PCGF6: variants seen among roughly 807,000 people sequenced by gnomAD.
PCGF6 encodes the protein polycomb group ring finger 6, also known as polycomb group RING finger protein 6.
A neutral mutation model predicts 45.5 loss-of-function variants in PCGF6; 24 were observed. That is an observed-to-expected ratio of 0.53 (90% CI 0.38 to 0.74). The LOEUF is 0.74. PCGF6 is among the 30% of genes least tolerant of loss of function. The pLI, the probability that PCGF6 is intolerant of heterozygous loss-of-function variation, is 0.00. For missense variants in PCGF6, 356 were observed against 443.2 expected (o/e 0.80, Z 1.77); for synonymous variants, 152 against 162.1 (o/e 0.94, Z 0.47).
Position 103,347,442 on chromosome 10 carries a change from C to G in PCGF6, c.566G>C (p.Arg189Pro). Residue 189 changes from arginine to proline, a missense_variant, in exon 4 of 10, where the codon CGA becomes CCA. Arg to Pro is a moderately radical substitution (Grantham distance 103). This residue lies in a region of PCGF6 where 307 missense variants were observed against 350.1 expected (regional missense o/e 0.88). Transcript: ENST00000369847. ...TQPLYNIRLDRQLQDIVYKLV... is the reference protein window; with the variant it reads ...TQPLYNIRLDPQLQDIVYKLV... Reference sequence around the variant, plus strand: ...TTTGTACACTATGTCTTGTAACTGTCGGTCCAACCTAATAAAAGGAAAGGA... The same window carrying G: ...TTTGTACACTATGTCTTGTAACTGTGGGTCCAACCTAATAAAAGGAAAGGA... The G allele has an allele frequency of 6.2e-7, 1 of 1,605,480 alleles. No individual in the cohort carries two copies.
At chr10:103,327,159 C>T (rs925214909) in intron 7 of PCGF6, among the ~76,000 whole-genome samples, 9 of 152,218 alleles carry the variant, frequency 5.9e-5, no homozygotes, top group African/African-American at 2.2e-4. Flanking sequence ...GTGGCACATG[C>T]CTATAATCCC....
At chr10:103,317,846 T>C (rs995555873) in intron 8 of PCGF6, among the ~76,000 whole-genome samples, 3 of 151,320 alleles carry the variant, frequency 2.0e-5, no homozygotes, top group Non-Finnish European at 4.4e-5. Context: ...AAACTCTGCC[T>C]CTCCTGGGTT....
rs763061574 is a variant in PCGF6 at position 103,347,482 on chromosome 10, G to A, written c.558-32C>T. 4.2e-5 allele frequency: 65 copies of A among 1,547,896 alleles called. No individual in the cohort carries two copies. The Middle Eastern group carries it at 6.8e-4, about 16-fold the overall frequency. On this transcript the variant is annotated intron_variant, in intron 3 of 9. Transcript: ENST00000369847. The stretch of plus-strand genomic sequence containing the variant: ...AAAGGAAAGGATGGAGAATACCTCA[G>A]AATTCAGAAAAATGCATTTTGGTAC...
chr10:103,324,498 C>A (rs908623683), intron 8 of PCGF6, among the ~76,000 whole-genome samples: 1 of 151,878 alleles, frequency 6.6e-6, no homozygotes, highest in South Asian at 2.1e-4. Flanking sequence ...GTGGCTTATG[C>A]CTGTAATCCC....
At position 103,336,806 on chromosome 10, in the gene PCGF6, C is replaced by T. The variant is rs142438546; in HGVS notation, c.783-2854G>A. Among the ~76,000 whole-genome samples, 409 of 152,204 alleles carry T rather than the reference C, an allele frequency of 2.7e-3. 17 individuals carry two copies. In the East Asian group the frequency reaches 0.064, roughly 24 times the overall value. Reference sequence around the variant, plus strand: ...AGGAGAATCACTTGAACCCGGGAGGCGGAGGTTGCAGTGAGCCGAGGTCGT... The same window carrying T: ...AGGAGAATCACTTGAACCCGGGAGGTGGAGGTTGCAGTGAGCCGAGGTCGT... On this transcript the variant is annotated intron_variant, in intron 6 of 9. Coordinates refer to ENST00000369847, the MANE Select transcript of PCGF6 (RefSeq NM_001011663.2).
chr10:103,314,235 T>C lies in PCGF6; in HGVS notation c.947A>G (p.Tyr316Cys), dbSNP rs766334588. 69 of 1,605,302 alleles carry C rather than the reference T, an allele frequency of 4.3e-5. 1 individual carries two copies. Among genetic ancestry groups the C allele is most frequent in the South Asian group, 3.4e-4 (31 of 90,442 alleles). ...IICGDHLLEQ[Y>C]QTLREIRRAI... ...ACGTCGGATTTCCCTTAGAGTTTGA[T>C]ACTGCTCCAACAGGTGATCACCACA... The change falls in exon 9 of 10, where the codon TAT becomes TGT. Residue 316 changes from tyrosine to cysteine, a missense_variant. This residue lies in a region of PCGF6 where 49 missense variants were observed against 93.0 expected (regional missense o/e 0.53). Transcript: ENST00000369847.
In PCGF6 at chr10:103,350,794, C is replaced by T. The variant is rs2093318186; in HGVS notation, c.273G>A (p.Glu91=). 1.3e-6 allele frequency: 2 copies of T among 1,557,042 alleles called. No homozygotes were observed. The highest frequency in any genetic ancestry group is 3.9e-5 in the Admixed American group (2 of 51,166). ...DEELEEEEEL[E]EEEEEEEEDM... ...CCTCCTCCTCCTCCTCTTCTTCCTC[C>T]TCCAGCTCCTCTTCTTCTTCCAACT... The change falls in exon 1 of 10, where the codon GAG becomes GAA. Residue 91 remains glutamate (E), a synonymous_variant. Coordinates refer to ENST00000369847, the MANE Select transcript of PCGF6 (RefSeq NM_001011663.2).
At position 103,347,123 on chromosome 10, in the gene PCGF6, C is replaced by A. The variant is rs2093302520; in HGVS notation, c.673+115G>T. On this transcript the variant is annotated intron_variant, in intron 5 of 9. Coordinates refer to ENST00000369847, the MANE Select transcript of PCGF6 (RefSeq NM_001011663.2). ...ATTGGATTACACACAGCATTACCTT[C>A]AAAATCTCTCTGATCATATAATAAG... is the stretch of plus-strand genomic sequence containing the variant. 4 of 768,608 alleles carry A rather than the reference C, an allele frequency of 5.2e-6. No individual in the cohort carries two copies. The South Asian group carries it at 7.6e-5, about 15-fold the overall frequency. 47.6% of individuals were successfully genotyped at this position (768,608 alleles called of 1,614,324 possible).
Position 103,303,662 on chromosome 10 carries a change from A to T in PCGF6, c.*243T>A, listed in dbSNP as rs1008278455. 10 of 363,822 alleles carry T rather than the reference A, an allele frequency of 2.7e-5. No homozygotes were observed. Among genetic ancestry groups the T allele is most frequent in the Non-Finnish European group, 4.4e-5 (9 of 203,478 alleles). The allele number at this position is 363,822 out of a possible 1,614,324, so 22.5% of individuals were successfully genotyped here. ...GGTATTTAAAATCATAAGAAATTTT[A>T]AAATTCAATTTTTGAAAAATTTCCC... On this transcript the variant is annotated 3_prime_UTR_variant, in exon 10 of 10. Coordinates refer to ENST00000369847, the MANE Select transcript of PCGF6 (RefSeq NM_001011663.2).
At chr10:103,325,062 G>A (rs1489132928) in intron 8 of PCGF6, among the ~76,000 whole-genome samples, 2 of 151,276 alleles carry the variant, frequency 1.3e-5, no homozygotes, top group African/African-American at 2.4e-5. Context: ...CTGAACCCGG[G>A]GGGCGGAAGT....
At position 103,302,886 on chromosome 10, in the gene PCGF6, T is replaced by C. The variant is rs892041348; in HGVS notation, c.*1019A>G. On this transcript the variant is annotated 3_prime_UTR_variant, in exon 10 of 10. Coordinates refer to ENST00000369847, the MANE Select transcript of PCGF6 (RefSeq NM_001011663.2). ...AAGAATTGCCAATCTTTTTCCAATT[T>C]TGTAGTAGTCTCTACACATTCAGAA... is the stretch of plus-strand genomic sequence containing the variant. The C allele has an allele frequency of 2.0e-5, 3 of 152,256 alleles. No individual in the cohort carries two copies. Among genetic ancestry groups the C allele is most frequent in the African/African-American group, 7.2e-5 (3 of 41,450 alleles). The allele number at this position is 152,256 out of a possible 1,614,324, so 9.4% of individuals were successfully genotyped here. A position where few individuals can be genotyped will look rare whatever the true frequency, so the allele number is the denominator to read the frequency against.
intron 6 of PCGF6, among the ~76,000 whole-genome samples, chr10:103,341,735 C>T (rs1262387899): frequency 1.3e-5 from 2 of 152,010 alleles, no homozygotes; most frequent in Non-Finnish European, 2.9e-5. Context: ...AGAGCCACTG[C>T]GCCCGGCCAA....
chr10:103,335,251 G>A (rs539530589), intron 6 of PCGF6, among the ~76,000 whole-genome samples: 21 of 150,930 alleles, frequency 1.4e-4, no homozygotes, highest in Non-Finnish European at 2.5e-4. Context: ...ATAGGGTCTC[G>A]CTGTGTTGGC....
At position 103,348,889 on chromosome 10, in the gene PCGF6, G is replaced by A. The variant is rs755919995; in HGVS notation, c.460+11C>T. On this transcript the variant is annotated intron_variant, in intron 2 of 9. Coordinates refer to ENST00000369847, the MANE Select transcript of PCGF6 (RefSeq NM_001011663.2). ...TGAAAAATTATTCAGAAATGTGATC[G>A]GTATGCTTACAGGTATGAAGACATT... is the stretch of plus-strand genomic sequence containing the variant. 1.4e-5 allele frequency: 23 copies of A among 1,605,110 alleles called. No individual in the cohort carries two copies. Among genetic ancestry groups the A allele is most frequent in the African/African-American group, 4.0e-5 (3 of 74,606 alleles).
intron 6 of PCGF6, among the ~76,000 whole-genome samples, chr10:103,335,312 C>A (rs951988418): frequency 4.0e-5 from 6 of 151,830 alleles, no homozygotes; most frequent in Admixed American, 6.6e-5. Flanking sequence ...CCTTAGCCTC[C>A]CCAAATGCTG....
At chr10:103,343,770 T>G (rs2093289373) in intron 6 of PCGF6, among the ~76,000 whole-genome samples, 1 of 133,048 alleles carries the variant, frequency 7.5e-6, no homozygotes. Flanking sequence ...GAGGCAGCAG[T>G]TGCAATAAGC....
At chr10:103,320,076 G>T (rs1204297669) in intron 8 of PCGF6, among the ~76,000 whole-genome samples, 1 of 152,134 alleles carries the variant, frequency 6.6e-6, no homozygotes, top group African/African-American at 2.4e-5. Context: ...AAAATGCTGA[G>T]ATTACAGGTA....
At chr10:103,311,732 T>C (rs2093158041) in intron 9 of PCGF6, among the ~76,000 whole-genome samples, 1 of 151,972 alleles carries the variant, frequency 6.6e-6, no homozygotes, top group Non-Finnish European at 1.5e-5. Context: ...TCACATAACC[T>C]AGAAACAGTG....
At chr10:103,319,863 T>G (rs2093190387) in intron 8 of PCGF6, among the ~76,000 whole-genome samples, 1 of 152,182 alleles carries the variant, frequency 6.6e-6, no homozygotes, top group Non-Finnish European at 1.5e-5. Context: ...TGTAGTGCAG[T>G]GGTGCGATCT....
Sources: allele counts gnomAD v4.1 joint callset (sites outside exome capture counted in the v4.1 genomes callset), GRCh38; gene constraint gnomAD v4.1.1; regional missense constraint gnomAD v4.1.1; transcripts MANE v1.5; gene names NCBI Gene and HGNC (gene_info 2026-07-23, HGNC 2026-07-21).